The following KMO variants were observed in gnomAD, a reference collection of about 807,000 sequenced individuals.
KMO encodes the protein kynurenine 3-monooxygenase, also known as kynurenine 3-hydroxylase.
KMO carries 24 observed loss-of-function variants against 57.8 expected under a neutral mutation model. The observed-to-expected ratio is 0.42, with a 90% CI of 0.30 to 0.58. The LOEUF is 0.58. Among genes scored for constraint, KMO ranks in the 20% least tolerant of loss-of-function variants. The pLI is 0.22. For missense variants in KMO, 483 were observed against 588.2 expected, an observed-to-expected ratio of 0.82 and a Z score of 1.85; for synonymous variants, 210 against 193.6, an observed-to-expected ratio of 1.08 and a Z score of -0.70.
chr1:241,559,067 T>C (rs1661740946), intron 5 of KMO, among the ~76,000 whole-genome samples: 1 of 149,876 alleles, frequency 6.7e-6, no homozygotes, highest in Non-Finnish European at 1.5e-5. Flanking sequence ...GCCATTGCAC[T>C]CCATCCTGGG....
At chr1:241,549,489 A>G (rs921871724) in intron 2 of KMO, among the ~76,000 whole-genome samples, 188 bp from the exon 3 acceptor site, 1 of 150,704 alleles carries the variant, frequency 6.6e-6, no homozygotes, top group African/African-American at 2.5e-5. Context: ...AGTTTTGTTT[A>G]AAAAAAAACA....
chr1:241,564,158 C>T (rs1464623501), intron 7 of KMO, among the ~76,000 whole-genome samples: 1 of 152,120 alleles, frequency 6.6e-6, no homozygotes, highest in Non-Finnish European at 1.5e-5. Context: ...AATGTTAGCT[C>T]CAAGACTATG....
At chr1:241,575,441 AC>A (rs1362735481) in intron 10 of KMO, among the ~76,000 whole-genome samples, 1 of 151,958 alleles carries the variant, frequency 6.6e-6, no homozygotes, top group East Asian at 1.9e-4. Flanking sequence ...TTTTGCTGTA[AC>A]CCAGAGGTTT....
At position 241,582,367 on chromosome 1, in the gene KMO, C is replaced by G. The variant is rs1029513268; in HGVS notation, c.958-4312C>G. Among the ~76,000 whole-genome samples the G allele has an allele frequency of 7.2e-5, 11 of 152,150 alleles. No homozygotes were observed. The East Asian group carries it at 2.1e-3, about 29-fold the overall frequency. On this transcript the variant is annotated intron_variant, in intron 10 of 14. Transcript: ENST00000366559. ...TTGAATAAACTTTCTACCCTTATGT[C>G]TCTCTCTATATATGTTCTCTTTAAG...
In KMO at chr1:241,588,826, T is replaced by C. The variant is rs747786169; in HGVS notation, c.1094T>C (p.Ile365Thr). 39 of 1,609,074 alleles carry C rather than the reference T, an allele frequency of 2.4e-5. No individual in the cohort carries two copies. The highest frequency in any genetic ancestry group is 1.2e-4 in the South Asian group (11 of 90,964). ...TCAGACCTATCCATGTACAATTACA[T>C]AGAGGTGAGTGAGAAGGTTTGGCTT... ...AISDLSMYNYIEMRAHVNSSW... is the reference protein window; with the variant it reads ...AISDLSMYNYTEMRAHVNSSW... Residue 365 changes from isoleucine to threonine, a missense_variant, in exon 12 of 15, where the codon ATA becomes ACA. This residue lies in a region of KMO where 410 missense variants were observed against 492.3 expected (regional missense o/e 0.83). Coordinates refer to ENST00000366559, the MANE Select transcript of KMO (RefSeq NM_003679.5).
At chr1:241,564,159 C>T (rs1661988199) in intron 7 of KMO, among the ~76,000 whole-genome samples, 1 of 152,108 alleles carries the variant, frequency 6.6e-6, no homozygotes, top group South Asian at 2.1e-4. Context: ...ATGTTAGCTC[C>T]AAGACTATGC....
intron 4 of KMO, among the ~76,000 whole-genome samples, chr1:241,552,161 A>T (rs1026258912): frequency 2.4e-5 from 3 of 125,792 alleles, no homozygotes; most frequent in Non-Finnish European, 3.4e-5. Context: ...TGTGTGTGTG[A>T]GTGTGAGTGT....
At chr1:241,533,293 G>T (rs1309924902) in intron 1 of KMO, among the ~76,000 whole-genome samples, 1 of 152,128 alleles carries the variant, frequency 6.6e-6, no homozygotes. Flanking sequence ...ATCACCTTTG[G>T]TCAAATCATT....
intron 3 of KMO, 130 bp downstream of exon 3, chr1:241,549,904 A>C (rs1191671657): frequency 3.0e-6 from 2 of 660,674 alleles, no homozygotes; most frequent in African/African-American, 3.7e-5. Context: ...CATTCTACTA[A>C]AGCTTTTAAA....
At position 241,590,086 on chromosome 1, in the gene KMO, A is replaced by G; in HGVS notation, c.1173A>G (p.Pro391=). ...AGAGATTTCTTCATGCGATTATGCCATCGACCTTTATCCCTCTCTATACAA... is the reference window on the plus strand; with the variant it reads ...AGAGATTTCTTCATGCGATTATGCCGTCGACCTTTATCCCTCTCTATACAA... The part of the protein sequence containing the change: ...NMERFLHAIM[P]STFIPLYTMV... Residue 391 remains proline (P), a synonymous_variant, in exon 13 of 15, where the codon CCA becomes CCG. Coordinates refer to ENST00000366559, the MANE Select transcript of KMO (RefSeq NM_003679.5). 1 of 1,613,864 alleles carries G rather than the reference A, an allele frequency of 6.2e-7. No individual in the cohort carries two copies. The highest frequency in any genetic ancestry group is 8.5e-7 in the Non-Finnish European group (1 of 1,179,758).
chr1:241,577,300 G>C (rs558271811), intron 10 of KMO, among the ~76,000 whole-genome samples: 1 of 152,088 alleles, frequency 6.6e-6, no homozygotes, highest in East Asian at 1.9e-4. Context: ...GGTTGTTATA[G>C]AACCCTGTTT....
chr1:241,559,646 T>A (rs1173602663), intron 5 of KMO, among the ~76,000 whole-genome samples: 3 of 151,858 alleles, frequency 2.0e-5, no homozygotes, highest in Non-Finnish European at 4.4e-5. Flanking sequence ...CAAAAAAGAG[T>A]AAAATAAGAC....
chr1:241,549,164 A>G (rs545861390), intron 2 of KMO, among the ~76,000 whole-genome samples: 1 of 150,746 alleles, frequency 6.6e-6, no homozygotes, highest in African/African-American at 2.5e-5. Context: ...GCAAGACCCA[A>G]AGAAAGAGAG....
chr1:241,573,449 G>A (rs1293538560), intron 10 of KMO, among the ~76,000 whole-genome samples: 1 of 152,114 alleles, frequency 6.6e-6, no homozygotes, highest in African/African-American at 2.4e-5. Flanking sequence ...GTTTATTTTT[G>A]TGTAAAGTGA....
chr1:241,563,559 T>G (rs1661958765), intron 7 of KMO, among the ~76,000 whole-genome samples: 1 of 152,210 alleles, frequency 6.6e-6, no homozygotes, highest in Non-Finnish European at 1.5e-5. Flanking sequence ...GGTTTTCAGA[T>G]AGCTTCTGCT....
chr1:241,542,271 G>A (rs575612308), intron 1 of KMO, among the ~76,000 whole-genome samples: 70 of 152,248 alleles, frequency 4.6e-4, no homozygotes, highest in African/African-American at 1.6e-3. Flanking sequence ...GACTGGAGAA[G>A]CATACCTCAA....
chr1:241,585,886 T>C (rs991357125), intron 10 of KMO, among the ~76,000 whole-genome samples: 2 of 152,112 alleles, frequency 1.3e-5, no homozygotes, highest in East Asian at 1.9e-4. Flanking sequence ...GTATTTAGTA[T>C]AGTACATTAC....
chr1:241,543,426 AT>A (rs1661025625), intron 1 of KMO, among the ~76,000 whole-genome samples: 1 of 152,014 alleles, frequency 6.6e-6, no homozygotes, highest in Non-Finnish European at 1.5e-5. Context: ...TCTGAGTCTT[AT>A]TTTTTCACTT....
chr1:241,562,409 T>C, intron 7 of KMO, 77 bp downstream of exon 7: 1 of 1,406,502 alleles, frequency 7.1e-7, no homozygotes, highest in African/African-American at 1.4e-5. Flanking sequence ...AGTGCAGTGG[T>C]TCTCAGCAGC....
Sources: gnomAD v4.1 joint callset for allele counts (sites outside exome capture counted in the v4.1 genomes callset) on GRCh38, gnomAD v4.1.1 for gene constraint, gnomAD v4.1.1 regional missense constraint, MANE v1.5 for transcripts, NCBI Gene and HGNC (gene_info 2026-07-23, HGNC 2026-07-21) for gene names.